The following IGF1R variants were observed in gnomAD, a reference collection of about 807,000 sequenced individuals.
IGF1R encodes insulin like growth factor 1 receptor, also known as insulin-like growth factor 1 receptor.
In IGF1R, 44 loss-of-function variants were observed where a neutral mutation model predicts 144.6. That is an observed-to-expected ratio of 0.30 (90% CI 0.24 to 0.39). The LOEUF is 0.39. Among genes scored for constraint, IGF1R ranks in the 10% least tolerant of loss-of-function variants. The probability of loss-of-function intolerance (pLI) is 1.00; values close to 1 mark genes in which losing one functional copy is unlikely to be tolerated. For synonymous variants in IGF1R, 795 were observed against 722.8 expected (o/e 1.10, Z -1.60); for missense variants, 1,355 against 1,833.7 (o/e 0.74, Z 4.77).
At chr15:98,936,612 TA>T (rs2016159414) in intron 17 of IGF1R, among the ~76,000 whole-genome samples, 1 of 144,520 alleles carries the variant, frequency 6.9e-6, no homozygotes, top group African/African-American at 2.5e-5. Context: ...CATTTGGGCT[TA>T]ATTTTTTTTT....
intron 15 of IGF1R, among the ~76,000 whole-genome samples, chr15:98,933,079 C>T (rs1259992529): frequency 6.6e-6 from 1 of 152,206 alleles, no homozygotes; most frequent in African/African-American, 2.4e-5. Flanking sequence ...CTTTCTGAGC[C>T]AGGACCACCT....
chr15:98,901,839 G>A (rs2014498253), intron 5 of IGF1R, among the ~76,000 whole-genome samples: 1 of 152,214 alleles, frequency 6.6e-6, no homozygotes, highest in Non-Finnish European at 1.5e-5. Flanking sequence ...GGCAATTCAA[G>A]GTAGGGTGGC....
At chr15:98,726,098 C>T (rs1358400295) in intron 2 of IGF1R, among the ~76,000 whole-genome samples, 1 of 152,202 alleles carries the variant, frequency 6.6e-6, no homozygotes, top group Non-Finnish European at 1.5e-5. Flanking sequence ...TGACTAGGTG[C>T]CAGGCACCTC....
intron 2 of IGF1R, among the ~76,000 whole-genome samples, chr15:98,846,124 A>G (rs2011317922): frequency 2.0e-5 from 3 of 152,180 alleles, no homozygotes; most frequent in African/African-American, 7.2e-5. Flanking sequence ...CTGTATATAC[A>G]TTTCTCCCCA....
In IGF1R at chr15:98,963,715, G is replaced by A. The variant is rs753853126; in HGVS notation, c.*6273G>A. The A allele has an allele frequency of 5.6e-5, 13 of 233,132 alleles. No individual in the cohort carries two copies. The highest frequency in any genetic ancestry group is 7.6e-5 in the Non-Finnish European group (9 of 118,020). 14.4% of individuals were successfully genotyped at this position (233,132 alleles called of 1,614,324 possible). ...TGCTTACATGCCTCGTATCATGACT[G>A]ATTACTGCTTTGTTAGAACACAGAA... is the stretch of plus-strand genomic sequence containing the variant. On this transcript the variant is annotated 3_prime_UTR_variant, in exon 21 of 21. Transcript: ENST00000650285.
In IGF1R at chr15:98,962,587, C is replaced by T. The variant is rs547255021; in HGVS notation, c.*5145C>T. ...GGCCTTCATCTTAGATGACTGGTTG[C>T]GTCATTTGGAGAAGTGAGTGCTCCT... On this transcript the variant is annotated 3_prime_UTR_variant, in exon 21 of 21. Transcript: ENST00000650285. 110 of 233,684 alleles carry T rather than the reference C, an allele frequency of 4.7e-4. No individual in the cohort carries two copies. Among genetic ancestry groups the T allele is most frequent in the South Asian group, 1.3e-3 (7 of 5,530 alleles). The allele number at this position is 233,684 out of a possible 1,614,324, so 14.5% of individuals were successfully genotyped here. A position where few individuals can be genotyped will look rare whatever the true frequency, so the allele number is the denominator to read the frequency against.
intron 15 of IGF1R, among the ~76,000 whole-genome samples, chr15:98,933,798 G>A (rs888134161): frequency 6.6e-5 from 10 of 152,098 alleles, no homozygotes; most frequent in Non-Finnish European, 1.5e-5. Context: ...CCCGTCCGCT[G>A]CCTAATTGCC....
At chr15:98,911,199 A>C in intron 6 of IGF1R, 116 bp from the exon 7 acceptor site, 1 of 1,166,068 alleles carries the variant, frequency 8.6e-7, no homozygotes, top group Non-Finnish European at 1.3e-6. Context: ...GAAGCCCAGA[A>C]GGGAACTTAG....
intron 1 of IGF1R, among the ~76,000 whole-genome samples, chr15:98,655,372 C>G (rs1273816249): frequency 1.3e-5 from 2 of 152,102 alleles, no homozygotes; most frequent in Non-Finnish European, 2.9e-5. Context: ...TTGAAAGTCC[C>G]AGATACCATT....
chr15:98,667,493 G>C (rs562059245), intron 1 of IGF1R, among the ~76,000 whole-genome samples: 4 of 152,354 alleles, frequency 2.6e-5, no homozygotes, highest in South Asian at 4.1e-4. Context: ...TTGGAGGGAC[G>C]CGCTGCTAGA....
intron 1 of IGF1R, among the ~76,000 whole-genome samples, chr15:98,680,255 A>G (rs1034879690): frequency 1.1e-4 from 17 of 149,376 alleles, no homozygotes; most frequent in Non-Finnish European, 2.2e-4. Context: ...TGGTACTCCC[A>G]TATACGTATG....
In IGF1R at chr15:98,648,556, G is replaced by C. The variant is rs1488894243; in HGVS notation, c.-1026G>C. Reference sequence around the variant, plus strand: ...GAGCCCCCAGTGTGTGGCAGCGGCGGCGGCGGCGCGGCGAGGCTGGGGCTC... The same window carrying C: ...GAGCCCCCAGTGTGTGGCAGCGGCGCCGGCGGCGCGGCGAGGCTGGGGCTC... On this transcript the variant is annotated 5_prime_UTR_variant, in exon 1 of 21. Transcript: ENST00000650285. Among the ~76,000 whole-genome samples the C allele has an allele frequency of 6.8e-6, 1 of 146,064 alleles. No homozygotes were observed. The highest frequency in any genetic ancestry group is 2.0e-4 in the East Asian group (1 of 4,992).
At chr15:98,768,103 C>T (rs2055480252) in intron 2 of IGF1R, among the ~76,000 whole-genome samples, 1 of 152,162 alleles carries the variant, frequency 6.6e-6, no homozygotes, top group South Asian at 2.1e-4. Context: ...AAACGGTAGA[C>T]TCCTGTGCTG....
At chr15:98,906,148 T>G (rs1402420931) in intron 5 of IGF1R, among the ~76,000 whole-genome samples, 1 of 152,232 alleles carries the variant, frequency 6.6e-6, no homozygotes, top group East Asian at 1.9e-4. Context: ...AGAATTTCAG[T>G]GTGCCTGCCA....
In IGF1R at chr15:98,961,895, T is replaced by C. The variant is rs971261869; in HGVS notation, c.*4453T>C. The C allele has an allele frequency of 4.3e-6, 1 of 233,226 alleles. No individual in the cohort carries two copies. Among genetic ancestry groups the C allele is most frequent in the Non-Finnish European group, 8.5e-6 (1 of 118,074 alleles). 14.4% of individuals were successfully genotyped at this position (233,226 alleles called of 1,614,324 possible). ...CTTAAGATGCGGAGTCACATTTCAATGGTACGAAAAGTGGCTTCGTAAAAT... is the reference window on the plus strand; with the variant it reads ...CTTAAGATGCGGAGTCACATTTCAACGGTACGAAAAGTGGCTTCGTAAAAT... On this transcript the variant is annotated 3_prime_UTR_variant, in exon 21 of 21. Transcript: ENST00000650285.
intron 4 of IGF1R, among the ~76,000 whole-genome samples, 174 bp from the exon 5 acceptor site, chr15:98,899,303 T>C (rs920837202): frequency 2.0e-5 from 3 of 152,176 alleles, no homozygotes; most frequent in Non-Finnish European, 4.4e-5. Flanking sequence ...CAGGAGTCGT[T>C]GTTGAGAGTC....
chr15:98,903,845 A>AT (rs2014597614), intron 5 of IGF1R, among the ~76,000 whole-genome samples: 1 of 152,224 alleles, frequency 6.6e-6, no homozygotes, highest in Admixed American at 6.5e-5. Flanking sequence ...ACTACATATT[A>AT]TATGACTCAT....
intron 2 of IGF1R, among the ~76,000 whole-genome samples, chr15:98,862,077 C>G (rs2012187626): frequency 6.6e-6 from 1 of 152,188 alleles, no homozygotes; most frequent in Non-Finnish European, 1.5e-5. Flanking sequence ...TTCCCTACCA[C>G]ATAGTGGTGG....
At chr15:98,660,154 G>T (rs2052568974) in intron 1 of IGF1R, 1 of 152,194 alleles carries the variant, frequency 6.6e-6, no homozygotes, top group South Asian at 2.1e-4. Context: ...GTCTGAGAGA[G>T]AACTTCAGCC....
Sources: allele counts gnomAD v4.1 joint callset (sites outside exome capture counted in the v4.1 genomes callset), GRCh38; gene constraint gnomAD v4.1.1; transcripts MANE v1.5; gene names NCBI Gene and HGNC (gene_info 2026-07-23, HGNC 2026-07-21).